HS3ST1: variants seen among roughly 807,000 people sequenced by gnomAD.
HS3ST1 encodes heparan sulfate glucosamine 3-O-sulfotransferase 1.
HS3ST1 carries 8 observed loss-of-function variants against 20.7 expected under a neutral mutation model. That is an observed-to-expected ratio of 0.39 (90% CI 0.23 to 0.70). The LOEUF (loss-of-function observed/expected upper bound fraction) is 0.70, where lower values mean the gene tolerates loss of function less well. Ranked by LOEUF, HS3ST1 falls within the 30% of genes least tolerant of loss-of-function variation. The probability of loss-of-function intolerance (pLI) is 0.46; values close to 1 mark genes in which losing one functional copy is unlikely to be tolerated. For synonymous variants in HS3ST1, 205 were observed against 190.4 expected (o/e 1.08, Z -0.63); for missense variants, 436 against 423.4 (o/e 1.03, Z -0.26).
intron 1 of HS3ST1, among the ~76,000 whole-genome samples, chr4:11,409,224 G>A (rs1718550436): frequency 6.6e-6 from 1 of 152,144 alleles, no homozygotes; most frequent in South Asian, 2.1e-4. Context: ...ATTCACAGCT[G>A]AAAATAAATT....
chr4:11,429,875 A>G (rs1482406494), upstream of HS3ST1: 2 of 151,968 alleles, frequency 1.3e-5, no homozygotes, highest in Non-Finnish European at 2.9e-5. Context: ...CCTGAGCCAA[A>G]GGAAGTTGCC....
intron 1 of HS3ST1, among the ~76,000 whole-genome samples, chr4:11,422,205 ATTC>A (rs1462923843): frequency 1.3e-5 from 2 of 152,162 alleles, no homozygotes; most frequent in Non-Finnish European, 2.9e-5. Context: ...ACGTCTTATC[ATTC>A]TTCTTTGGCT....
intron 1 of HS3ST1, among the ~76,000 whole-genome samples, chr4:11,410,461 C>T (rs978283346): frequency 2.6e-5 from 4 of 152,122 alleles, no homozygotes; most frequent in Non-Finnish European, 5.9e-5. Context: ...GAGAAAAAGC[C>T]AAATGGGGTA....
Sources: allele counts gnomAD v4.1 joint callset (sites outside exome capture counted in the v4.1 genomes callset), GRCh38; gene constraint gnomAD v4.1.1; transcripts MANE v1.5; gene names NCBI Gene and HGNC (gene_info 2026-07-23, HGNC 2026-07-21).